BTD: variants seen among roughly 807,000 people sequenced by gnomAD.
BTD encodes biocytinase.
Under a neutral mutation model 17.7 loss-of-function variants are expected in BTD, and 13 were observed. The ratio of observed to expected loss-of-function variants is 0.74; its 90% CI spans 0.48 to 1.17. BTD has a LOEUF of 1.17. Ranked by LOEUF, BTD falls within the 50% of genes most tolerant of loss-of-function variation. The pLI is 0.00. For synonymous variants in BTD, 240 were observed against 245.2 expected (o/e 0.98, Z 0.20); for missense variants, 674 against 650.4 (o/e 1.04, Z -0.39).
intron 2 of BTD, among the ~76,000 whole-genome samples, chr3:15,640,580 G>T (rs1380270702): frequency 6.6e-6 from 1 of 151,940 alleles, no homozygotes; most frequent in Non-Finnish European, 1.5e-5. Context: ...TAGTAGAGAC[G>T]GGGTTTCATC....
At chr3:15,710,036 G>T (rs1439216018) in intron 3 of BTD, among the ~76,000 whole-genome samples, 1 of 146,336 alleles carries the variant, frequency 6.8e-6, no homozygotes, top group Non-Finnish European at 1.5e-5. Flanking sequence ...TTGCTTATAG[G>T]TTTTTTTTTT....
At position 15,647,532 on chromosome 3, in the gene BTD, G is replaced by T. The variant is rs1404939534; in HGVS notation, c.*2044G>T. 3 of 152,204 alleles carry T rather than the reference G, an allele frequency of 2.0e-5. No homozygotes were observed. The highest frequency in any genetic ancestry group is 7.2e-5 in the African/African-American group (3 of 41,464). 9.4% of individuals were successfully genotyped at this position (152,204 alleles called of 1,614,324 possible). On this transcript the variant is annotated 3_prime_UTR_variant, in exon 4 of 4. Coordinates refer to ENST00000643237, the MANE Select transcript of BTD (RefSeq NM_001370658.1). Reference sequence around the variant, plus strand: ...TCGTGAAGTAGAAATGAGGGGAAAAGCAACTAATGGTGGTAGAACAAAGTA... The same window carrying T: ...TCGTGAAGTAGAAATGAGGGGAAAATCAACTAATGGTGGTAGAACAAAGTA...
intron 3 of BTD, chr3:15,697,166 T>C (rs2069718074): frequency 6.6e-6 from 1 of 152,166 alleles, no homozygotes; most frequent in South Asian, 2.1e-4. Context: ...GAGATCATTA[T>C]TCTAAGTGAA....
chr3:15,676,886 T>A (rs1559313874), intron 3 of BTD: 5 of 1,095,542 alleles, frequency 4.6e-6, no homozygotes, highest in Non-Finnish European at 2.7e-6. Context: ...ATGAAACCTA[T>A]TCCAATAGTC....
intron 3 of BTD, among the ~76,000 whole-genome samples, chr3:15,643,970 AT>A (rs1339796343): frequency 0.062 from 1,046 of 16,810 alleles, 9 homozygotes; most frequent in East Asian, 0.1. Context: ...CATTTATTTA[AT>A]TTATTTATTT....
intron 3 of BTD, among the ~76,000 whole-genome samples, chr3:15,643,969 AATTTATTT>A (rs72529474): frequency 0.043 from 5,910 of 137,874 alleles, 356 homozygotes; most frequent in African/African-American, 0.13. Context: ...TCATTTATTT[AATTTATTT>A]ATTTATTTAT....
chr3:15,701,450 G>A (rs2070604806), intron 3 of BTD, among the ~76,000 whole-genome samples: 1 of 152,090 alleles, frequency 6.6e-6, no homozygotes, highest in African/African-American at 2.4e-5. Context: ...TTCAAGACCT[G>A]CCTGACCAAC....
At chr3:15,636,157 T>C (rs936446041) in intron 2 of BTD, among the ~76,000 whole-genome samples, 2 of 152,208 alleles carry the variant, frequency 1.3e-5, no homozygotes, top group African/African-American at 4.8e-5. Flanking sequence ...TGCAGTCTAA[T>C]GTGCAGAAAA....
chr3:15,722,330 A>G (rs757631231), downstream of BTD, among the ~76,000 whole-genome samples: 6 of 152,216 alleles, frequency 3.9e-5, no homozygotes, highest in Non-Finnish European at 5.9e-5. Flanking sequence ...CCTTGTTGGA[A>G]ATACTTCATT....
chr3:15,662,918 T>C (rs1452949970), intron 3 of BTD, among the ~76,000 whole-genome samples: 2 of 151,812 alleles, frequency 1.3e-5, no homozygotes, highest in Non-Finnish European at 2.9e-5. Flanking sequence ...TTTCCTAGTT[T>C]ACTGAGAATT....
At chr3:15,711,158 C>A in exon 4 of BTD, 1 of 1,416,288 alleles carries the variant, frequency 7.1e-7, no homozygotes, top group Admixed American at 1.9e-5. Flanking sequence ...TAAGAGAAAA[C>A]CTGCCATGAC....
At chr3:15,621,217 C>A (rs1182452844) in intron 1 of BTD, among the ~76,000 whole-genome samples, 1 of 152,220 alleles carries the variant, frequency 6.6e-6, no homozygotes, top group Non-Finnish European at 1.5e-5. Context: ...ACAAGCACAT[C>A]CAAAAGTAAC....
At chr3:15,619,043 T>C (rs776063876) in intron 1 of BTD, among the ~76,000 whole-genome samples, 3 of 152,242 alleles carry the variant, frequency 2.0e-5, no homozygotes, top group Non-Finnish European at 4.4e-5. Flanking sequence ...TGTGTATCTT[T>C]TCTTTGCTTT....
chr3:15,644,619 A>C lies in BTD; in HGVS notation c.703A>C (p.Ile235Leu). The change falls in exon 4 of 4, where the codon ATC becomes CTC. Residue 235 changes from isoleucine (I) to leucine (L), a missense_variant. Transcript: ENST00000643237. Reference sequence around the variant, plus strand: ...TGATATATTGTTCTTTGACCCTGCCATCAGAGTCCTCAGAGACTACAAGGT... The same window carrying C: ...TGATATATTGTTCTTTGACCCTGCCCTCAGAGTCCTCAGAGACTACAAGGT... ...CFDILFFDPAIRVLRDYKVKH... is the reference protein window; with the variant it reads ...CFDILFFDPALRVLRDYKVKH... 6.2e-7 allele frequency: 1 copy of C among 1,614,192 alleles called. No individual in the cohort carries two copies. Among genetic ancestry groups the C allele is most frequent in the Non-Finnish European group, 8.5e-7 (1 of 1,180,032 alleles).
rs924549039 is a variant in BTD at position 15,709,828 on chromosome 3, T to C, written c.400-232T>C. 1.1e-5 allele frequency: 8 copies of C among 750,086 alleles called. No homozygotes were observed. In the Admixed American group the frequency reaches 2.2e-4, roughly 21 times the overall value. The allele number at this position is 750,086 out of a possible 1,614,324, so 46.5% of individuals were successfully genotyped here. A position where few individuals can be genotyped will look rare whatever the true frequency, so the allele number is the denominator to read the frequency against. ...AAAGAAGCATGAAAGCATGTTTTTA[T>C]ATGAAGATAAATGTGACAAAAATGA... On this transcript the variant is annotated intron_variant, in intron 3 of 3. Coordinates refer to the BTD transcript ENST00000672141.
At chr3:15,616,382 G>A (rs571231722) in intron 1 of BTD, among the ~76,000 whole-genome samples, 10 of 152,206 alleles carry the variant, frequency 6.6e-5, no homozygotes, top group East Asian at 1.9e-4. Context: ...TTGGGAGGCC[G>A]AGGTGGGTGG....
downstream of BTD, among the ~76,000 whole-genome samples, chr3:15,656,519 A>G (rs992396329): frequency 6.6e-6 from 1 of 152,184 alleles, no homozygotes; most frequent in Non-Finnish European, 1.5e-5. Flanking sequence ...TGCTCTTGCA[A>G]TCTTGATTGA....
At chr3:15,634,369 G>C (rs2065290470) in intron 1 of BTD, among the ~76,000 whole-genome samples, 1 of 152,178 alleles carries the variant, frequency 6.6e-6, no homozygotes. Context: ...ACATCTCCAT[G>C]GGCAGGTGGC....
intron 1 of BTD, among the ~76,000 whole-genome samples, chr3:15,613,619 A>G (rs993500516): frequency 6.7e-6 from 1 of 149,650 alleles, no homozygotes; most frequent in African/African-American, 2.5e-5. Context: ...CTTTTATTTA[A>G]TATAAGCAGT....
Sources: allele counts gnomAD v4.1 joint callset (sites outside exome capture counted in the v4.1 genomes callset), GRCh38; gene constraint gnomAD v4.1.1; transcripts MANE v1.5; gene names NCBI Gene and HGNC (gene_info 2026-07-23, HGNC 2026-07-21).